Variants in NKAIN3 observed in about 807,000 individuals in gnomAD.
The protein encoded by NKAIN3 is sodium/potassium transporting ATPase interacting 3.
NKAIN3 carries 25 observed loss-of-function variants against 30.2 expected under a neutral mutation model. That is an observed-to-expected ratio of 0.83 (90% confidence interval 0.60 to 1.16). The LOEUF is 1.16. NKAIN3 is among the 50% of genes most tolerant of loss of function. The probability of loss-of-function intolerance (pLI) is 0.00; values close to 1 mark genes in which losing one functional copy is unlikely to be tolerated. For missense variants in NKAIN3, 225 were observed against 254.1 expected (o/e 0.89, Z 0.78); for synonymous variants, 91 against 89.6 (o/e 1.02, Z -0.09).
At chr8:62,395,343 A>C (rs1435949902) in intron 1 of NKAIN3, among the ~76,000 whole-genome samples, 1 of 152,032 alleles carries the variant, frequency 6.6e-6, no homozygotes, top group Non-Finnish European at 1.5e-5. Flanking sequence ...GGCGACCCTC[A>C]CTTCCCAGAC....
At chr8:62,299,081 T>C (rs1813946928) in intron 1 of NKAIN3, among the ~76,000 whole-genome samples, 2 of 152,050 alleles carry the variant, frequency 1.3e-5, no homozygotes, top group South Asian at 4.1e-4. Flanking sequence ...GTCTAAGACA[T>C]AGCTTTTTCA....
chr8:62,719,055 GAGT>G (rs1814999196), intron 3 of NKAIN3, among the ~76,000 whole-genome samples: 1 of 152,194 alleles, frequency 6.6e-6, no homozygotes, highest in African/African-American at 2.4e-5. Flanking sequence ...AAGGTCCAAA[GAGT>G]AATAAGGAGA....
intron 3 of NKAIN3, among the ~76,000 whole-genome samples, chr8:62,646,796 T>TA (rs1812473795): frequency 6.6e-6 from 1 of 151,892 alleles, no homozygotes; most frequent in Non-Finnish European, 1.5e-5. Context: ...TCAAATAAAA[T>TA]AAAAAATGAC....
At chr8:62,346,018 G>T (rs925843424) in intron 1 of NKAIN3, among the ~76,000 whole-genome samples, 44 of 152,062 alleles carry the variant, frequency 2.9e-4, no homozygotes, top group African/African-American at 9.9e-4. Flanking sequence ...GTATAAAGAA[G>T]TTGATCACAT....
chr8:62,950,032 CTCTTA>C (rs1367164526), intron 5 of NKAIN3, among the ~76,000 whole-genome samples: 1 of 152,154 alleles, frequency 6.6e-6, no homozygotes, highest in Non-Finnish European at 1.5e-5. Context: ...ATCTTCTCTT[CTCTTA>C]TCTTTCTCAA....
At position 62,810,642 on chromosome 8, in the gene NKAIN3, T is replaced by TG. The variant is rs1317527213; in HGVS notation, c.471+63513_471+63514insG. 5.3e-5 allele frequency among the ~76,000 whole-genome samples: 8 copies of TG among 151,372 alleles called. No individual in the cohort carries two copies. In the East Asian group the frequency reaches 1.6e-3, roughly 29 times the overall value. ...TTGTAAGTATGTAGGTAGAAAGTTT[T>TG]TTTTTTTTTTTTTGCTTTCTTTTTT... On this transcript the variant is annotated intron_variant, in intron 4 of 6. Coordinates refer to ENST00000623646, the MANE Select transcript of NKAIN3 (RefSeq NM_001304533.3).
At chr8:62,934,855 G>A (rs1585594167) in intron 5 of NKAIN3, among the ~76,000 whole-genome samples, 1 of 152,162 alleles carries the variant, frequency 6.6e-6, no homozygotes, top group South Asian at 2.1e-4. Flanking sequence ...GGTAGAAAAT[G>A]AAAGCAATGC....
At chr8:62,705,654 A>AT (rs1358609884) in intron 3 of NKAIN3, among the ~76,000 whole-genome samples, 1 of 151,618 alleles carries the variant, frequency 6.6e-6, no homozygotes, top group East Asian at 1.9e-4. Context: ...CTATTTGTTA[A>AT]TTTTTTTACT....
At position 62,974,870 on chromosome 8, in the gene NKAIN3, A is replaced by C. The variant is rs1013163165; in HGVS notation, c.*9463A>C. Among the ~76,000 whole-genome samples the C allele has an allele frequency of 3.3e-5, 5 of 152,210 alleles. No homozygotes were observed. Among genetic ancestry groups the C allele is most frequent in the African/African-American group, 1.2e-4 (5 of 41,458 alleles). On this transcript the variant is annotated 3_prime_UTR_variant, in exon 7 of 7. Transcript: ENST00000623646. ...AGTTTATTGAGTGTTTTTAGCATGA[A>C]GGAGGGTTGAATTTTGTCGAAGGCC...
rs534571701 is a variant in NKAIN3, at chr8:62,756,596, T to C, written c.471+9467T>C. 7.9e-5 allele frequency among the ~76,000 whole-genome samples: 12 copies of C among 152,314 alleles called. No individual in the cohort carries two copies. In the South Asian group the frequency reaches 1.9e-3, roughly 24 times the overall value. ...TATATTTTATCTACATAACGTCATATGTTCATCTTTTGGAAACATCTGCGT... is the reference window on the plus strand; with the variant it reads ...TATATTTTATCTACATAACGTCATACGTTCATCTTTTGGAAACATCTGCGT... On this transcript the variant is annotated intron_variant, in intron 4 of 6. Coordinates refer to ENST00000623646, the MANE Select transcript of NKAIN3 (RefSeq NM_001304533.3).
At chr8:62,533,087 A>G (rs1182043265) in intron 1 of NKAIN3, among the ~76,000 whole-genome samples, 2 of 151,778 alleles carry the variant, frequency 1.3e-5, no homozygotes, top group African/African-American at 2.4e-5. Context: ...AATCAGATAC[A>G]TACATAAAAT....
At chr8:62,467,829 G>A (rs560926976) in intron 1 of NKAIN3, among the ~76,000 whole-genome samples, 10 of 152,042 alleles carry the variant, frequency 6.6e-5, no homozygotes, top group African/African-American at 9.6e-5. Flanking sequence ...GCAGTGGCAC[G>A]AGCTCGTCTC....
At chr8:62,889,511 C>A (rs1821241154) in intron 4 of NKAIN3, among the ~76,000 whole-genome samples, 2 of 152,090 alleles carry the variant, frequency 1.3e-5, no homozygotes, top group South Asian at 4.1e-4. Flanking sequence ...AGTAGATTCT[C>A]CCAAGGAGGG....
intron 1 of NKAIN3, among the ~76,000 whole-genome samples, chr8:62,284,886 C>T (rs1001637274): frequency 6.6e-6 from 1 of 152,118 alleles, no homozygotes; most frequent in South Asian, 2.1e-4. Flanking sequence ...TCAAGGGCAT[C>T]TGAGTTCAGT....
At chr8:62,439,262 C>T (rs776982031) in intron 1 of NKAIN3, among the ~76,000 whole-genome samples, 8 of 152,082 alleles carry the variant, frequency 5.3e-5, no homozygotes, top group Non-Finnish European at 1.0e-4. Flanking sequence ...GGAATCTGTC[C>T]ACAACTACAG....
intron 1 of NKAIN3, among the ~76,000 whole-genome samples, chr8:62,480,653 T>C (rs1806690485): frequency 6.6e-6 from 1 of 151,994 alleles, no homozygotes; most frequent in South Asian, 2.1e-4. Flanking sequence ...TCAGGGCTAA[T>C]TGAAAAAAAG....
intron 1 of NKAIN3, among the ~76,000 whole-genome samples, chr8:62,291,748 TA>T (rs1451821636): frequency 1.3e-5 from 2 of 152,218 alleles, no homozygotes; most frequent in African/African-American, 4.8e-5. Context: ...AGATGTCTAT[TA>T]GGTCTGCATG....
At chr8:62,424,588 T>C (rs1597726) in intron 1 of NKAIN3, among the ~76,000 whole-genome samples, 84,368 of 151,590 alleles carry the variant, frequency 0.56, 25,789 homozygotes, top group East Asian at 0.67. Context: ...CAAACCAAAA[T>C]TAAAACAAAA....
chr8:62,875,854 A>G (rs1820779853), intron 4 of NKAIN3, among the ~76,000 whole-genome samples: 1 of 152,232 alleles, frequency 6.6e-6, no homozygotes, highest in Non-Finnish European at 1.5e-5. Context: ...CTTAGATGTA[A>G]AATTCAAAAC....
Sources: allele counts gnomAD v4.1 joint callset (sites outside exome capture counted in the v4.1 genomes callset), GRCh38; gene constraint gnomAD v4.1.1; transcripts MANE v1.5; gene names NCBI Gene and HGNC (gene_info 2026-07-23, HGNC 2026-07-21).